Variants in ADGRL3 observed in about 807,000 individuals in gnomAD.
ADGRL3 encodes calcium-independent alpha-latrotoxin receptor 3.
A neutral mutation model predicts 153.5 loss-of-function variants in ADGRL3; 62 were observed. The observed-to-expected ratio is 0.40, with a 90% CI of 0.33 to 0.50. The LOEUF is 0.50. ADGRL3 is among the 20% of genes least tolerant of loss of function. The probability of loss-of-function intolerance (pLI) is 0.47; values close to 1 mark genes in which losing one functional copy is unlikely to be tolerated. For synonymous variants in ADGRL3, 710 were observed against 672.5 expected, an observed-to-expected ratio of 1.06 and a Z score of -0.86; for missense variants, 1,641 against 1,859.4, an observed-to-expected ratio of 0.88 and a Z score of 2.16.
intron 1 of ADGRL3, among the ~76,000 whole-genome samples, chr4:61,285,511 T>C (rs952109531): frequency 1.3e-5 from 2 of 151,796 alleles, no homozygotes; most frequent in Non-Finnish European, 2.9e-5. Flanking sequence ...TTTAGCAGTG[T>C]TGCCCCACAG....
At chr4:61,717,582 A>T (rs1397905080) in intron 6 of ADGRL3, among the ~76,000 whole-genome samples, 1 of 152,236 alleles carries the variant, frequency 6.6e-6, no homozygotes, top group Non-Finnish European at 1.5e-5. Flanking sequence ...TCGTTTTGAT[A>T]AGTTAGTAGT....
chr4:61,637,571 C>T (rs955377895), intron 5 of ADGRL3, among the ~76,000 whole-genome samples: 9 of 152,100 alleles, frequency 5.9e-5, no homozygotes, highest in African/African-American at 1.4e-4. Context: ...TGAGACCAGC[C>T]TGGCAAACAT....
chr4:61,843,215 T>C (rs2098060674), intron 9 of ADGRL3, among the ~76,000 whole-genome samples: 1 of 152,184 alleles, frequency 6.6e-6, no homozygotes, highest in African/African-American at 2.4e-5. Flanking sequence ...GGTGATGTCA[T>C]TTCTAAGTTT....
At chr4:61,578,300 A>C (rs1320365267) in intron 4 of ADGRL3, among the ~76,000 whole-genome samples, 1 of 152,008 alleles carries the variant, frequency 6.6e-6, no homozygotes, top group Non-Finnish European at 1.5e-5. Flanking sequence ...TAATTTTTCT[A>C]AACTGTTATC....
intron 4 of ADGRL3, among the ~76,000 whole-genome samples, chr4:61,579,766 A>C (rs1329299195): frequency 6.6e-6 from 1 of 152,018 alleles, no homozygotes; most frequent in South Asian, 2.1e-4. Flanking sequence ...ATTCTTTTTT[A>C]ATTGTCACTT....
At chr4:61,405,654 G>T (rs931782833) in intron 2 of ADGRL3, among the ~76,000 whole-genome samples, 25 of 151,284 alleles carry the variant, frequency 1.7e-4, no homozygotes, top group African/African-American at 5.8e-4. Flanking sequence ...ATGAGATACA[G>T]TATTTTTTAA....
In ADGRL3 at chr4:61,762,023, G is replaced by T. The variant is rs140579271; in HGVS notation, c.1399+28469G>T. On this transcript the variant is annotated intron_variant, in intron 8 of 26. Transcript: ENST00000683033. ...TTATTAGAGTATGTTTCATGAATTTGTTTGAAGATAGAGCAATTTTGGCCT... is the reference window on the plus strand; with the variant it reads ...TTATTAGAGTATGTTTCATGAATTTTTTTGAAGATAGAGCAATTTTGGCCT... Among the ~76,000 whole-genome samples, 24 of 152,310 alleles carry T rather than the reference G, an allele frequency of 1.6e-4. 1 individual carries two copies. In the East Asian group the frequency reaches 4.4e-3, roughly 28 times the overall value.
chr4:61,454,280 C>T (rs184192391), intron 2 of ADGRL3, among the ~76,000 whole-genome samples: 1 of 151,198 alleles, frequency 6.6e-6, no homozygotes, highest in Admixed American at 6.6e-5. Context: ...TCTGTGCTAC[C>T]TGAAAAAAAA....
Position 61,274,475 on chromosome 4 carries a change from G to A in ADGRL3, c.-240+72710G>A, listed in dbSNP as rs552104730. 3.3e-5 allele frequency among the ~76,000 whole-genome samples: 5 copies of A among 152,280 alleles called. No individual in the cohort carries two copies. The South Asian group carries it at 1.0e-3, about 32-fold the overall frequency. The stretch of plus-strand genomic sequence containing the variant: ...TTTCCATGAGAGCAGGATTATTTAT[G>A]CTGTGTTCAGCAATTTATACTCTCA... On this transcript the variant is annotated intron_variant, in intron 1 of 26. Coordinates refer to ENST00000683033, the MANE Select transcript of ADGRL3 (RefSeq NM_001387552.1).
chr4:61,326,286 CAT>C (rs2095461787), intron 1 of ADGRL3, among the ~76,000 whole-genome samples: 1 of 152,048 alleles, frequency 6.6e-6, no homozygotes, highest in Non-Finnish European at 1.5e-5. Flanking sequence ...AATATCTAGA[CAT>C]ATATTCACAT....
At position 62,070,727 on chromosome 4, in the gene ADGRL3, C is replaced by T. The variant is rs1362194765; in HGVS notation, c.4451C>T (p.Ala1484Val). ...TEPPPAKCGD[A>V]EDVYYKSMPN... ...CCCCCACCGGCCAAATGTGGTGATG[C>T]CGAAGATGTTTACTACAAAAGCATG... Residue 1484 changes from alanine (A) to valine (V), a missense_variant, in exon 27 of 27, where the codon GCC becomes GTC. Ala to Val is a moderately conservative substitution (Grantham distance 64). Coordinates refer to ENST00000683033, the MANE Select transcript of ADGRL3 (RefSeq NM_001387552.1). 1 of 1,551,578 alleles carries T rather than the reference C, an allele frequency of 6.4e-7. No individual in the cohort carries two copies. The highest frequency in any genetic ancestry group is 2.4e-5 in the East Asian group (1 of 40,904).
chr4:61,329,656 T>C (rs1304708507), intron 1 of ADGRL3, among the ~76,000 whole-genome samples: 1 of 152,126 alleles, frequency 6.6e-6, no homozygotes, highest in African/African-American at 2.4e-5. Flanking sequence ...CAGTAAACTG[T>C]TTTTTACTCA....
chr4:61,699,179 A>G (rs2095701093), intron 6 of ADGRL3, among the ~76,000 whole-genome samples: 1 of 152,184 alleles, frequency 6.6e-6, no homozygotes, highest in Non-Finnish European at 1.5e-5. Flanking sequence ...AATGAGGTGA[A>G]GGAGAAAACT....
chr4:61,383,746 A>C (rs927208016), intron 2 of ADGRL3, among the ~76,000 whole-genome samples: 7 of 151,824 alleles, frequency 4.6e-5, no homozygotes, highest in African/African-American at 1.7e-4. Context: ...TATGTTATTT[A>C]TCAGAAATAT....
chr4:61,538,673 C>G (rs1460918279), intron 4 of ADGRL3, among the ~76,000 whole-genome samples: 1 of 152,082 alleles, frequency 6.6e-6, no homozygotes, highest in Non-Finnish European at 1.5e-5. Flanking sequence ...AACTCCCTAC[C>G]TCTGGTGATC....
intron 9 of ADGRL3, among the ~76,000 whole-genome samples, chr4:61,866,358 C>T (rs2098400050): frequency 6.6e-6 from 1 of 152,178 alleles, no homozygotes; most frequent in Non-Finnish European, 1.5e-5. Flanking sequence ...CATAGCCCTT[C>T]ACTAACGTAA....
chr4:61,449,013 ATTG>A (rs2097639962), intron 2 of ADGRL3, among the ~76,000 whole-genome samples: 2 of 152,252 alleles, frequency 1.3e-5, no homozygotes, highest in East Asian at 3.9e-4. Context: ...CACTGAAGAA[ATTG>A]TTAAGAATGA....
intron 5 of ADGRL3, among the ~76,000 whole-genome samples, chr4:61,609,358 G>C (rs1412981177): frequency 6.6e-6 from 1 of 152,044 alleles, no homozygotes; most frequent in Non-Finnish European, 1.5e-5. Context: ...ATAATATGCT[G>C]TATGTACTAT....
At chr4:61,528,303 C>T (rs1023761574) in intron 4 of ADGRL3, among the ~76,000 whole-genome samples, 1 of 152,068 alleles carries the variant, frequency 6.6e-6, no homozygotes, top group Non-Finnish European at 1.5e-5. Flanking sequence ...TCTATGTTCT[C>T]TGTGTCACTT....
Sources: allele counts gnomAD v4.1 joint callset (sites outside exome capture counted in the v4.1 genomes callset), GRCh38; gene constraint gnomAD v4.1.1; transcripts MANE v1.5; gene names NCBI Gene and HGNC (gene_info 2026-07-23, HGNC 2026-07-21).